The following GCC2 variants were observed in gnomAD, a reference collection of about 807,000 sequenced individuals.
GCC2 encodes the protein GRIP and coiled-coil domain containing 2, also known as GRIP and coiled-coil domain-containing protein 2.
In GCC2, 120 loss-of-function variants were observed where a neutral mutation model predicts 210.6. The ratio of observed to expected loss-of-function variants is 0.57; its 90% confidence interval spans 0.49 to 0.66. The LOEUF is 0.66. Among genes scored for constraint, GCC2 ranks in the 30% least tolerant of loss-of-function variants. GCC2 has a pLI of 0.00. For missense variants in GCC2, 1,868 were observed against 1,871.9 expected (o/e 1.00, Z 0.04); for synonymous variants, 703 against 652.7 (o/e 1.08, Z -1.17).
chr2:108,504,350 G>A (rs937421331), intron 22 of GCC2, among the ~76,000 whole-genome samples: 1 of 152,008 alleles, frequency 6.6e-6, no homozygotes, highest in Non-Finnish European at 1.5e-5. Context: ...ATTAGCTTAG[G>A]GGGTAAAGTA....
At position 108,485,852 on chromosome 2, in the gene GCC2, C is replaced by A. The variant is rs1682114487; in HGVS notation, c.3736C>A (p.Gln1246Lys). 6.3e-7 allele frequency: 1 copy of A among 1,589,244 alleles called. No individual in the cohort carries two copies. The change falls in exon 15 of 23, where the codon CAA becomes AAA. Residue 1246 changes from glutamine (Q) to lysine (K), a missense_variant. Physicochemically the swap from Gln to Lys is moderately conservative, Grantham distance 53 (BLOSUM62 1). Around this residue, in one of 3 missense-constraint regions of GCC2, gnomAD observed 1,847 missense variants for 1,765.2 expected, o/e 1.05. Transcript: ENST00000309863. ...KQAETDHLILQASLKGELEAS... is the reference protein window; with the variant it reads ...KQAETDHLILKASLKGELEAS... ...ATAGGAAACTGATCACTTAATACTTCAAGCATCTTTAAAAGGTGAGCTGGA... is the reference window on the plus strand; with the variant it reads ...ATAGGAAACTGATCACTTAATACTTAAAGCATCTTTAAAAGGTGAGCTGGA...
rs1682103278 is a variant in GCC2, at chr2:108,485,658, A to G, written c.3636A>G (p.Gln1212=). 7.6e-6 allele frequency: 12 copies of G among 1,582,060 alleles called. No individual in the cohort carries two copies. The highest frequency in any genetic ancestry group is 1.2e-5 in the South Asian group (1 of 86,628). Residue 1212 remains glutamine, a synonymous_variant, in exon 14 of 23, where the codon CAA becomes CAG. Coordinates refer to ENST00000309863, the MANE Select transcript of GCC2 (RefSeq NM_181453.4). ...TAGCTTCATTACAGTCTTCAGTACA[A>G]CAATATGAAGAAAAAAACACCAAAA... ...EEITSLQSSV[Q]QYEEKNTKIK... is the part of the protein sequence containing the mutation.
chr2:108,470,555 C>T lies in GCC2; in HGVS notation c.1226C>T (p.Ala409Val). ...ATTGAAAAATTAAAATCTGAGCTAG[C>T]AGGTTTAAATAAACAGTTTTGCTAT... ...CVIEKLKSEL[A>V]GLNKQFCYTV... is the part of the protein sequence containing the mutation. The change falls in exon 6 of 23, where the codon GCA (alanine) becomes GTA (valine). Residue 409 changes from alanine to valine, a missense_variant. By Grantham distance (64) the Ala-to-Val change is moderately conservative. This residue lies in a region of GCC2 where 1,847 missense variants were observed against 1,765.2 expected (regional missense o/e 1.05). Coordinates refer to ENST00000309863, the MANE Select transcript of GCC2 (RefSeq NM_181453.4). The T allele has an allele frequency of 1.2e-6, 2 of 1,607,394 alleles. No homozygotes were observed. Among genetic ancestry groups the T allele is most frequent in the Non-Finnish European group, 1.7e-6 (2 of 1,177,552 alleles).
intron 22 of GCC2, among the ~76,000 whole-genome samples, chr2:108,503,672 CCT>C (rs1204403407): frequency 3.9e-5 from 6 of 152,260 alleles, no homozygotes; most frequent in Non-Finnish European, 4.4e-5. Flanking sequence ...GTACCTTTTG[CCT>C]CTCTCATCTC....
At chr2:108,483,553 GA>G (rs774569008) in intron 12 of GCC2, among the ~76,000 whole-genome samples, 1 of 152,094 alleles carries the variant, frequency 6.6e-6, no homozygotes, top group Non-Finnish European at 1.5e-5. Flanking sequence ...TATACATGTT[GA>G]AAAGGAATAT....
intron 4 of GCC2, among the ~76,000 whole-genome samples, chr2:108,453,802 AC>A (rs1414287686): frequency 2.8e-5 from 4 of 144,736 alleles, no homozygotes; most frequent in Non-Finnish European, 4.6e-5. Context: ...AAAAAAAAAA[AC>A]ACAAAAAATC....
intron 13 of GCC2, among the ~76,000 whole-genome samples, chr2:108,485,335 GAAAAAA>G (rs950863654): frequency 1.4e-5 from 2 of 143,104 alleles, no homozygotes; most frequent in African/African-American, 5.2e-5. Context: ...AAAAAAAAAA[GAAAAAA>G]AAAAGATGTT....
At position 108,472,088 on chromosome 2, in the gene GCC2, A is replaced by T; in HGVS notation, c.2759A>T (p.Asp920Val). ...KPLLEQKELR[D>V]RRAELILLKD... ...CTACTAGAACAAAAAGAATTACGAG[A>T]TAGGAGAGCAGAGTTGATACTATTA... The change falls in exon 6 of 23, where the codon GAT (aspartate) becomes GTT (valine). Residue 920 changes from aspartate to valine, a missense_variant. Transcript: ENST00000309863. 6.4e-7 allele frequency: 1 copy of T among 1,558,416 alleles called. No individual in the cohort carries two copies. Among genetic ancestry groups the T allele is most frequent in the Non-Finnish European group, 8.6e-7 (1 of 1,161,158 alleles).
chr2:108,481,184 C>G (rs1172965488), intron 9 of GCC2, among the ~76,000 whole-genome samples: 1 of 152,174 alleles, frequency 6.6e-6, no homozygotes, highest in African/African-American at 2.4e-5. Flanking sequence ...TTGGATTCTT[C>G]AGGAAATATT....
At chr2:108,492,991 T>A (rs1682479454) in intron 19 of GCC2, among the ~76,000 whole-genome samples, 1 of 152,226 alleles carries the variant, frequency 6.6e-6, no homozygotes, top group Non-Finnish European at 1.5e-5. Context: ...CTTACAGAAG[T>A]CTGTATAACC....
chr2:108,453,129 T>C (rs1254635066), intron 4 of GCC2, among the ~76,000 whole-genome samples: 2 of 152,262 alleles, frequency 1.3e-5, no homozygotes, highest in Non-Finnish European at 2.9e-5. Context: ...TGGACATGTC[T>C]ACTGACCCAG....
intron 4 of GCC2, among the ~76,000 whole-genome samples, chr2:108,455,413 T>C (rs1010471165): frequency 7.2e-5 from 11 of 151,982 alleles, no homozygotes; most frequent in Non-Finnish European, 1.6e-4. Flanking sequence ...CACTACAGCC[T>C]GAGCAACAGA....
intron 19 of GCC2, 68 bp from the exon 20 acceptor site, chr2:108,495,223 A>G (rs1682589192): frequency 1.1e-5 from 10 of 890,302 alleles, no homozygotes; most frequent in Non-Finnish European, 1.7e-5. Flanking sequence ...TTTATTGTGT[A>G]TCTCTGTAAG....
At position 108,466,130 on chromosome 2, in the gene GCC2, A is replaced by G. The variant is rs188830039; in HGVS notation, c.217-2850A>G. Among the ~76,000 whole-genome samples the G allele has an allele frequency of 1.1e-4, 16 of 152,242 alleles. No homozygotes were observed. The East Asian group carries it at 3.1e-3, about 29-fold the overall frequency. On this transcript the variant is annotated intron_variant, in intron 4 of 22. Transcript: ENST00000309863. Reference sequence around the variant, plus strand: ...CCTTTGCCCACTTTTTAATGGGATTATTTGGGGTTTTTTATTGCTGATTTG... The same window carrying G: ...CCTTTGCCCACTTTTTAATGGGATTGTTTGGGGTTTTTTATTGCTGATTTG...
intron 4 of GCC2, among the ~76,000 whole-genome samples, chr2:108,456,573 T>G (rs1680290412): frequency 6.6e-6 from 1 of 152,232 alleles, no homozygotes; most frequent in African/African-American, 2.4e-5. Context: ...GAGTTCCTTG[T>G]ATACTCTGGG....
At chr2:108,494,133 G>A (rs1682531303) in intron 19 of GCC2, 1 of 397,002 alleles carries the variant, frequency 2.5e-6, no homozygotes, top group Non-Finnish European at 3.4e-6. Flanking sequence ...CAGCACTTTG[G>A]GAGCCAAGGC....
intron 3 of GCC2, among the ~76,000 whole-genome samples, chr2:108,451,868 A>T (rs1333267662): frequency 7.7e-6 from 1 of 129,154 alleles, no homozygotes; most frequent in Non-Finnish European, 1.6e-5. Context: ...TTCAAGACGG[A>T]GTCTCGCTCT....
intron 20 of GCC2, chr2:108,495,911 A>C (rs1046282412): frequency 6.4e-6 from 1 of 156,066 alleles, no homozygotes; most frequent in Non-Finnish European, 1.4e-5. Flanking sequence ...GGTACCTACC[A>C]GATAAAGGGT....
chr2:108,497,039 G>C lies in GCC2; in HGVS notation c.4712G>C (p.Ser1571Thr), dbSNP rs1682678520. 1 of 1,611,886 alleles carries C rather than the reference G, an allele frequency of 6.2e-7. No homozygotes were observed. Among genetic ancestry groups the C allele is most frequent in the African/African-American group, 1.3e-5 (1 of 74,852 alleles). ...LVQKLSSTTK[S>T]ADHLNGLLRE... ...CAGAAGCTCAGTTCCACCACAAAAA[G>C]TGCAGATCACTTAAACGGCCTGCTT... is the stretch of plus-strand genomic sequence containing the variant. Residue 1571 changes from serine to threonine, a missense_variant, in exon 21 of 23, where the codon AGT becomes ACT. This residue lies in a region of GCC2 where 1,847 missense variants were observed against 1,765.2 expected (regional missense o/e 1.05). Coordinates refer to ENST00000309863, the MANE Select transcript of GCC2 (RefSeq NM_181453.4).
Sources: allele counts gnomAD v4.1 joint callset (sites outside exome capture counted in the v4.1 genomes callset), GRCh38; gene constraint gnomAD v4.1.1; regional missense constraint gnomAD v4.1.1; transcripts MANE v1.5; gene names NCBI Gene and HGNC (gene_info 2026-07-23, HGNC 2026-07-21).